KANK2: variants seen among roughly 807,000 people sequenced by gnomAD.
KANK2 encodes KN motif and ankyrin repeat domains 2.
Under a neutral mutation model 74.6 loss-of-function variants are expected in KANK2, and 41 were observed. The ratio of observed to expected loss-of-function variants is 0.55; its 90% confidence interval spans 0.43 to 0.71. KANK2 has a LOEUF of 0.71. Ranked by LOEUF, KANK2 falls within the 30% of genes least tolerant of loss-of-function variation. KANK2 has a pLI of 0.00. For missense variants in KANK2, 1,148 were observed against 1,196.4 expected (o/e 0.96, Z 0.60); for synonymous variants, 537 against 519.0 (o/e 1.03, Z -0.47).
intron 12 of KANK2, among the ~76,000 whole-genome samples, chr19:11,167,318 G>C (rs1207724567): frequency 2.0e-5 from 3 of 152,014 alleles, no homozygotes; most frequent in African/African-American, 7.2e-5. Flanking sequence ...GCCCATCTTG[G>C]CCTCCCAAAG....
At chr19:11,176,461 G>C in intron 7 of KANK2, 117 bp downstream of exon 7, 1 of 1,197,122 alleles carries the variant, frequency 8.4e-7, no homozygotes, top group Non-Finnish European at 1.1e-6. Context: ...TGCTAATTCA[G>C]ACTAAAGTGT....
Position 11,173,125 on chromosome 19 carries a change from T to C in KANK2, c.2069-2A>G. ...TCTGTTTGTCCACCTTGCAGACACC[T>C]AAGAGACATGGTGTGAACCCTCAGA... On this transcript the variant is annotated splice_acceptor_variant, in intron 9 of 12. Transcript: ENST00000586659. LOFTEE classifies it high-confidence loss of function. 1 of 1,612,022 alleles carries C rather than the reference T, an allele frequency of 6.2e-7. No homozygotes were observed. The highest frequency in any genetic ancestry group is 8.5e-7 in the Non-Finnish European group (1 of 1,179,020).
At chr19:11,177,378 G>A (rs1276153645) in intron 6 of KANK2, among the ~76,000 whole-genome samples, 1 of 151,234 alleles carries the variant, frequency 6.6e-6, no homozygotes, top group African/African-American at 2.4e-5. Context: ...TTTTTGAGAC[G>A]GAGTCTCGCT....
At chr19:11,182,551 CAAAACAAAAA>C (rs1568648255) in intron 4 of KANK2, among the ~76,000 whole-genome samples, 5 of 131,630 alleles carry the variant, frequency 3.8e-5, no homozygotes, top group African/African-American at 1.2e-4. Flanking sequence ...AAAAACAAAA[CAAAACAAAAA>C]AGCCAGGCGC....
intron 12 of KANK2, among the ~76,000 whole-genome samples, chr19:11,168,293 C>A (rs1488536965): frequency 1.3e-5 from 2 of 151,400 alleles, no homozygotes; most frequent in East Asian, 3.9e-4. Context: ...CATGAGCCAC[C>A]ACGCCTGGCC....
intron 4 of KANK2, among the ~76,000 whole-genome samples, chr19:11,189,482 T>C (rs2078775148): frequency 6.6e-6 from 1 of 151,364 alleles, no homozygotes; most frequent in Non-Finnish European, 1.5e-5. Context: ...TGCATGCCTG[T>C]AATCCCAGCT....
chr19:11,178,156 ACT>A (rs754889608), intron 6 of KANK2, among the ~76,000 whole-genome samples, 187 bp downstream of exon 6: 15 of 152,176 alleles, frequency 9.9e-5, no homozygotes, highest in Non-Finnish European at 1.8e-4. Flanking sequence ...CTCCTGGGTC[ACT>A]GAGTGAGCTC....
chr19:11,183,362 C>A (rs998501060), intron 4 of KANK2, among the ~76,000 whole-genome samples: 1 of 152,156 alleles, frequency 6.6e-6, no homozygotes, highest in African/African-American at 2.4e-5. Context: ...AAGAGCCAAG[C>A]TGGATCTCTA....
rs528623213 is a variant in KANK2 at position 11,182,790 on chromosome 19, C to G, written c.1250-4070G>C. Among the ~76,000 whole-genome samples, 83 of 145,944 alleles carry G rather than the reference C, an allele frequency of 5.7e-4. 1 individual carries two copies. Among genetic ancestry groups the G allele is most frequent in the African/African-American group, 2.1e-3 (81 of 39,478 alleles). On this transcript the variant is annotated intron_variant, in intron 4 of 12. Coordinates refer to ENST00000586659, the MANE Select transcript of KANK2 (RefSeq NM_001136191.3). ...CCCAGGAGGCAGAGCTTGCAGTGAGCCGATATTATGCCACTGCACTCCAGC... is the reference window on the plus strand; with the variant it reads ...CCCAGGAGGCAGAGCTTGCAGTGAGGCGATATTATGCCACTGCACTCCAGC...
intron 4 of KANK2, among the ~76,000 whole-genome samples, chr19:11,186,390 C>T (rs1384948391): frequency 6.8e-6 from 1 of 146,168 alleles, no homozygotes; most frequent in African/African-American, 2.6e-5. Flanking sequence ...TCTGTCTCAA[C>T]AAATAAAAAA....
At chr19:11,197,789 AC>A (rs1568657105), upstream of KANK2, 1 of 127,384 alleles carries the variant, frequency 7.9e-6, no homozygotes, top group Non-Finnish European at 1.7e-5. Flanking sequence ...GGGTCCTCCC[AC>A]TGCCGGCCTC....
intron 4 of KANK2, among the ~76,000 whole-genome samples, chr19:11,184,672 A>G (rs2078625839): frequency 6.7e-6 from 1 of 148,766 alleles, no homozygotes; most frequent in Non-Finnish European, 1.5e-5. Context: ...TCATGTCAAG[A>G]AATATTTTTT....
intron 4 of KANK2, among the ~76,000 whole-genome samples, chr19:11,189,711 G>A (rs2078786316): frequency 6.6e-6 from 1 of 151,392 alleles, no homozygotes; most frequent in Non-Finnish European, 1.5e-5. Flanking sequence ...GCAGCAAGAG[G>A]GAATAAAATG....
Position 11,193,133 on chromosome 19 carries a change from TGGGGCTGGGGGTCAGCCTGCC to T in KANK2, c.926_946del (p.Arg309_Pro315del), listed in dbSNP as rs2078904824. 12 of 1,607,180 alleles carry T rather than the reference TGGGGCTGGGGGTCAGCCTGCC, an allele frequency of 7.5e-6. No individual in the cohort carries two copies. The highest frequency in any genetic ancestry group is 1.0e-5 in the Non-Finnish European group (12 of 1,176,638). Reference sequence around the variant, plus strand: ...CGGGCTGTCCGGCGGTGGCCAGGCCTGGGGCTGGGGGTCAGCCTGCCGGGCCTGAGCTGCCTGCAGCTCCTG... The same window carrying T: ...CGGGCTGTCCGGCGGTGGCCAGGCCTGGGCCTGAGCTGCCTGCAGCTCCTG... On this transcript the variant is annotated inframe_deletion, in exon 4 of 13. Transcript: ENST00000586659. The surrounding 1 kb of genome is among the most constrained non-coding windows in gnomAD (Gnocchi z 9.6).
intron 4 of KANK2, among the ~76,000 whole-genome samples, chr19:11,188,548 C>T (rs1266798874): frequency 1.4e-5 from 2 of 146,166 alleles, no homozygotes; most frequent in Non-Finnish European, 3.0e-5. Flanking sequence ...AGGCTGGGTG[C>T]GGTAGCTCAT....
chr19:11,191,057 T>G (rs1232543362), intron 4 of KANK2, among the ~76,000 whole-genome samples: 1 of 149,518 alleles, frequency 6.7e-6, no homozygotes, highest in African/African-American at 2.5e-5. Context: ...ATTAATTATT[T>G]TGAGATACAG....
chr19:11,174,227 C>T (rs1288759086), intron 9 of KANK2, among the ~76,000 whole-genome samples: 1 of 152,212 alleles, frequency 6.6e-6, no homozygotes. Context: ...TACCCCACCC[C>T]ATTGAACTGG....
At position 11,187,360 on chromosome 19, in the gene KANK2, GAA is replaced by G. The variant is rs1191743525; in HGVS notation, c.1249+5469_1249+5470del. Among the ~76,000 whole-genome samples, 7 of 152,188 alleles carry G rather than the reference GAA, an allele frequency of 4.6e-5. No homozygotes were observed. In the East Asian group the frequency reaches 1.4e-3, roughly 29 times the overall value. On this transcript the variant is annotated intron_variant, in intron 4 of 12. Coordinates refer to ENST00000586659, the MANE Select transcript of KANK2 (RefSeq NM_001136191.3). Reference sequence around the variant, plus strand: ...ATAGTGTAAGGAGAGGAAAAAATAAGAAACAGAAAGAGATTTTTTTCTGAAGC... The same window carrying G: ...ATAGTGTAAGGAGAGGAAAAAATAAGACAGAAAGAGATTTTTTTCTGAAGC...
intron 4 of KANK2, among the ~76,000 whole-genome samples, chr19:11,190,287 C>T (rs528893764): frequency 1.3e-5 from 2 of 152,134 alleles, no homozygotes; most frequent in African/African-American, 4.8e-5. Context: ...GCCAACACGC[C>T]CAGCTAATTT....
Sources: allele counts gnomAD v4.1 joint callset (sites outside exome capture counted in the v4.1 genomes callset), GRCh38; gene constraint gnomAD v4.1.1; non-coding constraint Gnocchi (gnomAD v3.1); transcripts MANE v1.5; gene names NCBI Gene and HGNC (gene_info 2026-07-23, HGNC 2026-07-21).